Variants in CYB5R4 observed in about 807,000 individuals in gnomAD.
The protein encoded by CYB5R4 is cytochrome b5 reductase 4, also known as N-terminal cytochrome b5 and cytochrome b5 oxidoreductase domain-containing protein.
A neutral mutation model predicts 70.2 loss-of-function variants in CYB5R4; 55 were observed. The observed-to-expected ratio is 0.78, with a 90% CI of 0.63 to 0.98. The LOEUF is 0.98. CYB5R4 is among the 50% of genes least tolerant of loss of function. The pLI, the probability that CYB5R4 is intolerant of heterozygous loss-of-function variation, is 0.00. For missense variants in CYB5R4, 562 were observed against 612.6 expected (o/e 0.92, Z 0.87); for synonymous variants, 197 against 199.5 (o/e 0.99, Z 0.11).
At chr6:83,876,947 C>T (rs1434134650) in intron 2 of CYB5R4, among the ~76,000 whole-genome samples, 1 of 152,116 alleles carries the variant, frequency 6.6e-6, no homozygotes, top group Non-Finnish European at 1.5e-5. Context: ...GATTCTCCTG[C>T]CTCAGCCTCC....
At chr6:83,877,251 T>G (rs1287728498) in intron 2 of CYB5R4, among the ~76,000 whole-genome samples, 1 of 152,218 alleles carries the variant, frequency 6.6e-6, no homozygotes, top group Non-Finnish European at 1.5e-5. Flanking sequence ...ATTTCTAGAT[T>G]GACAGTGTTC....
intron 14 of CYB5R4, among the ~76,000 whole-genome samples, chr6:83,949,667 G>A (rs2099471217): frequency 6.6e-6 from 1 of 152,188 alleles, no homozygotes; most frequent in Non-Finnish European, 1.5e-5. Flanking sequence ...GGATTCTGAG[G>A]CTGACATATG....
intron 14 of CYB5R4, among the ~76,000 whole-genome samples, chr6:83,952,826 C>T (rs563934565): frequency 3.8e-4 from 58 of 152,218 alleles, no homozygotes; most frequent in Middle Eastern, 3.4e-3. Flanking sequence ...GCTCATCTCC[C>T]TGTAGTGCTG....
chr6:83,965,384 T>G lies in CYB5R4; in HGVS notation c.*5506T>G, dbSNP rs1390894280. ...GAGACCTGGAGTAAAAGGAGATCAT[T>G]TTGGAGCTTTAAAATTTGACTGCCC... On this transcript the variant is annotated 3_prime_UTR_variant, in exon 16 of 16. Transcript: ENST00000369681. 1 of 152,196 alleles carries G rather than the reference T, an allele frequency of 6.6e-6. No individual in the cohort carries two copies. The highest frequency in any genetic ancestry group is 1.5e-5 in the Non-Finnish European group (1 of 68,058). The allele number at this position is 152,196 out of a possible 1,614,324, so 9.4% of individuals were successfully genotyped here. A position where few individuals can be genotyped will look rare whatever the true frequency, so the allele number is the denominator to read the frequency against.
intron 2 of CYB5R4, among the ~76,000 whole-genome samples, chr6:83,871,635 T>G (rs2099457657): frequency 6.6e-6 from 1 of 152,108 alleles, no homozygotes; most frequent in Admixed American, 6.5e-5. Context: ...TGTGGGAAAG[T>G]TTTTCTTTTT....
At chr6:83,906,359 GC>G (rs1173905428) in intron 3 of CYB5R4, among the ~76,000 whole-genome samples, 1 of 152,124 alleles carries the variant, frequency 6.6e-6, no homozygotes, top group Non-Finnish European at 1.5e-5. Context: ...GTTTGTTGGG[GC>G]TAGGGCTCTG....
intron 3 of CYB5R4, among the ~76,000 whole-genome samples, chr6:83,905,237 A>G (rs1416849977): frequency 6.6e-6 from 1 of 152,076 alleles, no homozygotes; most frequent in African/African-American, 2.4e-5. Flanking sequence ...TTGTATTTTT[A>G]GTAGAGATGG....
intron 11 of CYB5R4, 148 bp from the exon 12 acceptor site, chr6:83,936,076 T>A (rs1588581832): frequency 1.7e-6 from 1 of 573,852 alleles, no homozygotes; most frequent in East Asian, 3.1e-5. Context: ...ATATACTATA[T>A]ACATATAGAA....
At chr6:83,897,030 A>C (rs1195217762) in intron 3 of CYB5R4, among the ~76,000 whole-genome samples, 2 of 151,950 alleles carry the variant, frequency 1.3e-5, no homozygotes. Context: ...ATTTATCATT[A>C]GGTATATCTC....
chr6:83,959,369 T>G (rs1224201722), intron 15 of CYB5R4, among the ~76,000 whole-genome samples: 1 of 152,116 alleles, frequency 6.6e-6, no homozygotes, highest in African/African-American at 2.4e-5. Flanking sequence ...ATGGAAAATA[T>G]GAGGACATAA....
intron 14 of CYB5R4, among the ~76,000 whole-genome samples, chr6:83,942,324 C>T (rs1174367749): frequency 1.3e-5 from 2 of 152,140 alleles, no homozygotes; most frequent in South Asian, 2.1e-4. Context: ...CCATGGAGGG[C>T]GAGCAGAAGC....
intron 14 of CYB5R4, among the ~76,000 whole-genome samples, chr6:83,941,891 C>T (rs1410448948): frequency 1.3e-5 from 2 of 152,268 alleles, no homozygotes; most frequent in African/African-American, 4.8e-5. Flanking sequence ...GACCTAAATT[C>T]CAGTTGCCAT....
intron 5 of CYB5R4, among the ~76,000 whole-genome samples, chr6:83,917,707 T>C (rs535718511): frequency 6.6e-6 from 1 of 152,254 alleles, no homozygotes; most frequent in South Asian, 2.1e-4. Flanking sequence ...ATTCTACTTA[T>C]ATAAAGTTCA....
At chr6:83,865,909 G>A (rs1480322189) in intron 2 of CYB5R4, among the ~76,000 whole-genome samples, 1 of 152,178 alleles carries the variant, frequency 6.6e-6, no homozygotes, top group African/African-American at 2.4e-5. Flanking sequence ...CAGCAATCTG[G>A]AATGAGGATT....
chr6:83,941,061 G>A (rs2099469687), intron 14 of CYB5R4, among the ~76,000 whole-genome samples: 1 of 152,146 alleles, frequency 6.6e-6, no homozygotes, highest in South Asian at 2.1e-4. Context: ...GCATTGCTTA[G>A]CAAAATTCCT....
At chr6:83,879,166 A>T (rs1377858368) in intron 2 of CYB5R4, among the ~76,000 whole-genome samples, 1 of 150,794 alleles carries the variant, frequency 6.6e-6, no homozygotes, top group Non-Finnish European at 1.5e-5. Flanking sequence ...TAACTCCTGC[A>T]TCGTACTCAA....
intron 7 of CYB5R4, among the ~76,000 whole-genome samples, chr6:83,919,743 G>A (rs577846250): frequency 1.4e-5 from 2 of 147,512 alleles, no homozygotes; most frequent in East Asian, 2.0e-4. Context: ...AGAGTAGGAA[G>A]TATTTTATGT....
chr6:83,890,314 T>A (rs1385571579), intron 2 of CYB5R4, among the ~76,000 whole-genome samples: 2 of 152,128 alleles, frequency 1.3e-5, no homozygotes, highest in Non-Finnish European at 2.9e-5. Flanking sequence ...CCCTCATGGG[T>A]AACTTTGAAG....
chr6:83,897,742 TG>T (rs1345223223), intron 3 of CYB5R4, among the ~76,000 whole-genome samples: 1 of 152,198 alleles, frequency 6.6e-6, no homozygotes, highest in Non-Finnish European at 1.5e-5. Context: ...TGGATGGGGT[TG>T]TTTTTTTCTT....
Sources: allele counts gnomAD v4.1 joint callset (sites outside exome capture counted in the v4.1 genomes callset), GRCh38; gene constraint gnomAD v4.1.1; transcripts MANE v1.5; gene names NCBI Gene and HGNC (gene_info 2026-07-23, HGNC 2026-07-21).